The following KDM7A variants were observed in gnomAD, a reference collection of about 807,000 sequenced individuals.
The protein encoded by KDM7A is lysine-specific demethylase 7A.
KDM7A carries 28 observed loss-of-function variants against 114.8 expected under a neutral mutation model. The observed-to-expected ratio is 0.24, with a 90% CI of 0.18 to 0.33. KDM7A has a LOEUF of 0.33. Among genes scored for constraint, KDM7A ranks in the 10% least tolerant of loss-of-function variants. The probability of loss-of-function intolerance (pLI) is 1.00; values close to 1 mark genes in which losing one functional copy is unlikely to be tolerated. For missense variants in KDM7A, 942 were observed against 1,142.5 expected (o/e 0.82, Z 2.53); for synonymous variants, 423 against 397.8 (o/e 1.06, Z -0.75).
chr7:140,150,810 G>A (rs1794391396), intron 1 of KDM7A, among the ~76,000 whole-genome samples: 1 of 150,558 alleles, frequency 6.6e-6, no homozygotes, highest in Non-Finnish European at 1.5e-5. Flanking sequence ...AATGAGTGTG[G>A]CCCAATAATC....
Position 140,088,608 on chromosome 7 carries a change from G to T in KDM7A, c.*2486C>A. The T allele has an allele frequency of 2.5e-6, 1 of 397,546 alleles. No homozygotes were observed. Among genetic ancestry groups the T allele is most frequent in the South Asian group, 1.3e-4 (1 of 7,762 alleles). 24.6% of individuals were successfully genotyped at this position (397,546 alleles called of 1,614,324 possible). ...TGGCCAGTAATGTTATAAGACGTTT[G>T]ACCAGGAGTCACTGGATCAGTGGCC... On this transcript the variant is annotated 3_prime_UTR_variant, in exon 20 of 20. Coordinates refer to ENST00000397560, the MANE Select transcript of KDM7A (RefSeq NM_030647.2).
At position 140,102,151 on chromosome 7, in the gene KDM7A, C is replaced by T. The variant is rs983636178; in HGVS notation, c.1438G>A (p.Gly480Ser). ...ATTCCCTGAGATTTAACTGGTTTGC[C>T]GTTTTCCTCCTTTAAGAATTAAAAT... ...KVIRAIEEEN[G>S]KPVKSQGIPI... The change falls in exon 12 of 20, where the codon GGC becomes AGC. Residue 480 changes from glycine (G) to serine (S), a missense_variant. Gly to Ser is a moderately conservative substitution (Grantham distance 56). Coordinates refer to ENST00000397560, the MANE Select transcript of KDM7A (RefSeq NM_030647.2). 3 of 1,611,912 alleles carry T rather than the reference C, an allele frequency of 1.9e-6. No individual in the cohort carries two copies. Among genetic ancestry groups the T allele is most frequent in the Non-Finnish European group, 2.5e-6 (3 of 1,178,180 alleles).
Position 140,171,064 on chromosome 7 carries a change from C to CCAA in KDM7A, c.194+5677_194+5679dup, listed in dbSNP as rs71520073. Among the ~76,000 whole-genome samples, 724 of 150,316 alleles carry CCAA rather than the reference C, an allele frequency of 4.8e-3. 3 individuals carry two copies. The highest frequency in any genetic ancestry group is 0.011 in the South Asian group (51 of 4,754). On this transcript the variant is annotated intron_variant, in intron 1 of 19. Coordinates refer to ENST00000397560, the MANE Select transcript of KDM7A (RefSeq NM_030647.2). ...GGTAATGTACTGAGACCCCCATCCCCCAACAACAACAACAACAACAACAAC... is the reference window on the plus strand; with the variant it reads ...GGTAATGTACTGAGACCCCCATCCCCCAACAACAACAACAACAACAACAACAAC...
chr7:140,166,456 C>T lies in KDM7A; in HGVS notation c.194+10288G>A, dbSNP rs569642426. Among the ~76,000 whole-genome samples, 24 of 151,348 alleles carry T rather than the reference C, an allele frequency of 1.6e-4. No individual in the cohort carries two copies. In the South Asian group the frequency reaches 5.0e-3, roughly 31 times the overall value. On this transcript the variant is annotated intron_variant, in intron 1 of 19. Coordinates refer to ENST00000397560, the MANE Select transcript of KDM7A (RefSeq NM_030647.2). ...CCAAGCTCAAGCAATCCTCCCGCCTCAGCCTTCCAAGTAGCTGGGAATACA... is the reference window on the plus strand; with the variant it reads ...CCAAGCTCAAGCAATCCTCCCGCCTTAGCCTTCCAAGTAGCTGGGAATACA...
At position 140,090,499 on chromosome 7, in the gene KDM7A, T is replaced by A. The variant is rs925313180; in HGVS notation, c.*595A>T. 1 of 152,182 alleles carries A rather than the reference T, an allele frequency of 6.6e-6. No individual in the cohort carries two copies. Among genetic ancestry groups the A allele is most frequent in the Non-Finnish European group, 1.5e-5 (1 of 68,036 alleles). The allele number at this position is 152,182 out of a possible 1,614,324, so 9.4% of individuals were successfully genotyped here. ...TGAAATATATAAAATAAAATGATTT[T>A]CATATACATCTTAATTTAAAATAAT... On this transcript the variant is annotated 3_prime_UTR_variant, in exon 20 of 20. Transcript: ENST00000397560.
Position 140,091,186 on chromosome 7 carries a change from T to C in KDM7A, c.2734A>G (p.Lys912Glu), listed in dbSNP as rs1164674092. The C allele has an allele frequency of 6.2e-7, 1 of 1,609,918 alleles. No homozygotes were observed. Among genetic ancestry groups the C allele is most frequent in the African/African-American group, 1.3e-5 (1 of 74,848 alleles). The change falls in exon 20 of 20, where the codon AAA becomes GAA. Residue 912 changes from lysine (K) to glutamate (E), a missense_variant and splice_region_variant. Lys to Glu is a moderately conservative substitution (Grantham distance 56, BLOSUM62 1). Transcript: ENST00000397560. Reference sequence around the variant, plus strand: ...GTTGCCATTCCTTTTTTTGGACGTTTACCTATAAAACACCAAAAGGGAGTG... The same window carrying C: ...GTTGCCATTCCTTTTTTTGGACGTTCACCTATAAAACACCAAAAGGGAGTG... Reference protein sequence around the residue: ...PPISNQATKGKRPKKGMATAK... With the variant: ...PPISNQATKGERPKKGMATAK...
intron 1 of KDM7A, among the ~76,000 whole-genome samples, chr7:140,152,443 G>A (rs1319279850): frequency 6.6e-6 from 1 of 151,958 alleles, no homozygotes; most frequent in Non-Finnish European, 1.5e-5. Context: ...TGGGCGACAA[G>A]GCAAAACCCA....
In KDM7A at chr7:140,166,011, G is replaced by C. The variant is rs527488125; in HGVS notation, c.194+10733C>G. Among the ~76,000 whole-genome samples the C allele has an allele frequency of 4.3e-3, 654 of 152,280 alleles. 8 individuals carry two copies. The highest frequency in any genetic ancestry group is 0.014 in the African/African-American group (595 of 41,556). Reference sequence around the variant, plus strand: ...TTTTACTACGGTACACTGTTGTAATGTTCTATTTTATTCAGTTACTGTTGT... The same window carrying C: ...TTTTACTACGGTACACTGTTGTAATCTTCTATTTTATTCAGTTACTGTTGT... On this transcript the variant is annotated intron_variant, in intron 1 of 19. Coordinates refer to ENST00000397560, the MANE Select transcript of KDM7A (RefSeq NM_030647.2).
chr7:140,122,387 T>C (rs955129967), intron 7 of KDM7A, among the ~76,000 whole-genome samples: 1 of 151,028 alleles, frequency 6.6e-6, no homozygotes, highest in African/African-American at 2.4e-5. Flanking sequence ...TTTATGATTA[T>C]ATTAGAAATA....
intron 1 of KDM7A, among the ~76,000 whole-genome samples, chr7:140,170,645 G>A (rs185809054): frequency 8.5e-5 from 13 of 152,324 alleles, no homozygotes. Flanking sequence ...AGACTTCAAT[G>A]AGTTAACCAA....
chr7:140,086,789 A>G lies in KDM7A; in HGVS notation c.*4305T>C, dbSNP rs1817935119. 1 of 151,990 alleles carries G rather than the reference A, an allele frequency of 6.6e-6. No homozygotes were observed. Among genetic ancestry groups the G allele is most frequent in the Non-Finnish European group, 1.5e-5 (1 of 68,010 alleles). 9.4% of individuals were successfully genotyped at this position (151,990 alleles called of 1,614,324 possible). The stretch of plus-strand genomic sequence containing the variant: ...TGTGTCTCCTTTATTTACCAGCGAC[A>G]CTCTGTCTAGGCTAAAGATCTGATG... On this transcript the variant is annotated 3_prime_UTR_variant, in exon 20 of 20. Transcript: ENST00000397560.
intron 9 of KDM7A, 25 bp from the exon 10 acceptor site, chr7:140,113,607 A>G (rs763863304): frequency 2.6e-6 from 3 of 1,175,362 alleles, no homozygotes; most frequent in Non-Finnish European, 3.7e-6. Context: ...ATGGGGTGAG[A>G]AAAAAAAATA....
rs78300720 is a variant in KDM7A at position 140,096,983 on chromosome 7, G to T, written c.2081C>A (p.Ser694Tyr). ...SGDEKKQEITSNFKEESNVMR... is the reference protein window; with the variant it reads ...SGDEKKQEITYNFKEESNVMR... ...CACATTAGATTCCTCCTTAAAGTTG[G>T]ATGTTATTTCTTGTTTCTTTTCATC... Residue 694 changes from serine (S) to tyrosine (Y), a missense_variant, in exon 16 of 20, where the codon TCC becomes TAC. By Grantham distance (144) the Ser-to-Tyr change is moderately radical. Around this residue, in one of 4 missense-constraint regions of KDM7A, gnomAD observed 512 missense variants for 576.6 expected, o/e 0.89. Coordinates refer to ENST00000397560, the MANE Select transcript of KDM7A (RefSeq NM_030647.2). 1 of 1,612,484 alleles carries T rather than the reference G, an allele frequency of 6.2e-7. No homozygotes were observed. The highest frequency in any genetic ancestry group is 8.5e-7 in the Non-Finnish European group (1 of 1,178,706).
chr7:140,105,576 A>G (rs1818322706), intron 11 of KDM7A, among the ~76,000 whole-genome samples: 1 of 152,136 alleles, frequency 6.6e-6, no homozygotes, highest in African/African-American at 2.4e-5. Flanking sequence ...TTCTGTTTAT[A>G]TGATGGATTA....
intron 12 of KDM7A, among the ~76,000 whole-genome samples, chr7:140,100,679 T>TATACAC (rs1192609907): frequency 2.8e-4 from 18 of 63,964 alleles, no homozygotes; most frequent in Admixed American, 7.3e-4. Flanking sequence ...TATATATATA[T>TATACAC]ACATATATAC....
At position 140,096,567 on chromosome 7, in the gene KDM7A, G is replaced by A. The variant is rs1407376137; in HGVS notation, c.2362C>T (p.Pro788Ser). 1 of 1,613,302 alleles carries A rather than the reference G, an allele frequency of 6.2e-7. No individual in the cohort carries two copies. Among genetic ancestry groups the A allele is most frequent in the South Asian group, 1.1e-5 (1 of 91,058 alleles). ...TTATGTTTCTTACCACATTCCACTG[G>A]TTTATCATAGCGATACAACTGCCTA... ...EVRQLYRYDKPVECGYHVKTE... is the reference protein window; with the variant it reads ...EVRQLYRYDKSVECGYHVKTE... The change falls in exon 17 of 20, where the codon CCA (proline) becomes TCA (serine). Residue 788 changes from proline to serine, a missense_variant. Around this residue, in one of 4 missense-constraint regions of KDM7A, gnomAD observed 512 missense variants for 576.6 expected, o/e 0.89. Coordinates refer to ENST00000397560, the MANE Select transcript of KDM7A (RefSeq NM_030647.2).
chr7:140,141,586 T>C (rs866242714), intron 1 of KDM7A, among the ~76,000 whole-genome samples: 9 of 152,128 alleles, frequency 5.9e-5, no homozygotes, highest in Non-Finnish European at 8.8e-5. Flanking sequence ...TATATATGTA[T>C]CTTTTTATTT....
At chr7:140,166,357 T>G (rs1794576124) in intron 1 of KDM7A, among the ~76,000 whole-genome samples, 1 of 137,080 alleles carries the variant, frequency 7.3e-6, no homozygotes, top group Admixed American at 7.2e-5. Flanking sequence ...TTTTTTTTTT[T>G]GAGGCAGGGT....
intron 1 of KDM7A, among the ~76,000 whole-genome samples, chr7:140,157,704 C>T (rs1242413508): frequency 6.6e-6 from 1 of 151,688 alleles, no homozygotes; most frequent in Admixed American, 6.6e-5. Context: ...TGGCTCATGC[C>T]TGTAATCCCA....
Sources: gnomAD v4.1 joint callset for allele counts (sites outside exome capture counted in the v4.1 genomes callset) on GRCh38, gnomAD v4.1.1 for gene constraint, gnomAD v4.1.1 regional missense constraint, MANE v1.5 for transcripts, NCBI Gene and HGNC (gene_info 2026-07-23, HGNC 2026-07-21) for gene names.